CCNYL1: variants seen among roughly 807,000 people sequenced by gnomAD.
The protein encoded by CCNYL1 is cyclin-Y-like protein 1.
A neutral mutation model predicts 44.2 loss-of-function variants in CCNYL1; 16 were observed. The ratio of observed to expected loss-of-function variants is 0.36; its 90% CI spans 0.25 to 0.55. The LOEUF (loss-of-function observed/expected upper bound fraction) is 0.55, where lower values mean the gene tolerates loss of function less well. Among genes scored for constraint, CCNYL1 ranks in the 20% least tolerant of loss-of-function variants. CCNYL1 has a pLI of 0.85. For synonymous variants in CCNYL1, 159 were observed against 163.2 expected, an observed-to-expected ratio of 0.97 and a Z score of 0.20; for missense variants, 348 against 451.8, an observed-to-expected ratio of 0.77 and a Z score of 2.08.
intron 1 of CCNYL1, chr2:207,714,441 C>T (rs761612732): frequency 2.6e-6 from 1 of 380,242 alleles, no homozygotes; most frequent in Non-Finnish European, 5.0e-6. Flanking sequence ...GGACCACGGG[C>T]GTGTGCCATC....
In CCNYL1 at chr2:207,747,163, A is replaced by G; in HGVS notation, c.756A>G (p.Val252=). The change falls in exon 8 of 10, where the codon GTA becomes GTG. Residue 252 remains valine (V), a synonymous_variant. Coordinates refer to ENST00000295414, the MANE Select transcript of CCNYL1 (RefSeq NM_001330218.2). ...LASKVWDDQA[V]WNVDYCQILK... ...CCAAGGTTTGGGACGATCAGGCTGT[A>G]TGGAATGTGGACTACTGCCAGATCC... 1 of 1,614,124 alleles carries G rather than the reference A, an allele frequency of 6.2e-7. No individual in the cohort carries two copies. The highest frequency in any genetic ancestry group is 8.5e-7 in the Non-Finnish European group (1 of 1,179,984).
chr2:207,739,275 C>T (rs1236278826), intron 5 of CCNYL1, among the ~76,000 whole-genome samples: 2 of 152,120 alleles, frequency 1.3e-5, no homozygotes, highest in African/African-American at 4.8e-5. Flanking sequence ...CTCTGTTGCC[C>T]AGGCTGGAGG....
At chr2:207,720,641 C>A (rs916756139) in intron 1 of CCNYL1, among the ~76,000 whole-genome samples, 2 of 152,122 alleles carry the variant, frequency 1.3e-5, no homozygotes, top group Non-Finnish European at 2.9e-5. Flanking sequence ...TGGTCTTGAA[C>A]TGTTCTCAAG....
intron 1 of CCNYL1, among the ~76,000 whole-genome samples, chr2:207,723,352 T>C (rs985441316): frequency 2.0e-5 from 3 of 152,220 alleles, no homozygotes; most frequent in Non-Finnish European, 4.4e-5. Flanking sequence ...ATTTGTGAAA[T>C]GCTGAGTTAG....
intron 1 of CCNYL1, among the ~76,000 whole-genome samples, chr2:207,718,400 C>G (rs1431610212): frequency 6.6e-6 from 1 of 151,618 alleles, no homozygotes; most frequent in African/African-American, 2.4e-5. Context: ...CCCAGCTACT[C>G]AAGAAGCTGA....
In CCNYL1 at chr2:207,723,811, G is replaced by T. The variant is rs1174264428; in HGVS notation, c.221-989G>T. Among the ~76,000 whole-genome samples the T allele has an allele frequency of 4.1e-5, 6 of 144,702 alleles. No individual in the cohort carries two copies. The Admixed American group carries it at 4.2e-4, about 10-fold the overall frequency. 94.9% of individuals were successfully genotyped at this position (144,702 alleles called of 152,430 possible). On this transcript the variant is annotated intron_variant, in intron 1 of 9. Transcript: ENST00000295414. ...AATTGCTTGAATCCTGGAGGCAGAG[G>T]TTGCAGTGAGCTGAGACCGTGCCAC...
chr2:207,738,345 C>T (rs1213685238), intron 5 of CCNYL1, among the ~76,000 whole-genome samples: 3 of 152,036 alleles, frequency 2.0e-5, no homozygotes, highest in Non-Finnish European at 2.9e-5. Flanking sequence ...CTCGGGCTCC[C>T]GAGTAGGTGG....
At chr2:207,727,962 C>G (rs911090718) in intron 3 of CCNYL1, among the ~76,000 whole-genome samples, 15 of 150,168 alleles carry the variant, frequency 1.0e-4, no homozygotes, top group Non-Finnish European at 2.1e-4. Flanking sequence ...TTCTCTCTCT[C>G]TCTTTTTTTT....
At chr2:207,749,979 A>G (rs903531547) in intron 8 of CCNYL1, among the ~76,000 whole-genome samples, 2 of 152,046 alleles carry the variant, frequency 1.3e-5, no homozygotes, top group East Asian at 3.9e-4. Flanking sequence ...AGTGGTTAAG[A>G]TTTTCTCTAG....
At chr2:207,712,211 T>C (rs2091554556) in intron 1 of CCNYL1, 95 bp downstream of exon 1, 11 of 1,042,416 alleles carry the variant, frequency 1.1e-5, no homozygotes, top group African/African-American at 3.4e-5. Context: ...CTCGGGCTCC[T>C]TCCTGCCGGT....
chr2:207,751,217 C>A, intron 9 of CCNYL1, 98 bp downstream of exon 9: 1 of 1,107,918 alleles, frequency 9.0e-7, no homozygotes, highest in Non-Finnish European at 1.3e-6. Context: ...AAATGGAAAG[C>A]TTTAAAATTA....
intron 7 of CCNYL1, among the ~76,000 whole-genome samples, chr2:207,745,286 T>G (rs1057372983): frequency 6.6e-6 from 1 of 152,174 alleles, no homozygotes; most frequent in Non-Finnish European, 1.5e-5. Flanking sequence ...GACAGTGTTC[T>G]GCACAAGTGG....
intron 3 of CCNYL1, among the ~76,000 whole-genome samples, chr2:207,732,394 A>G (rs1414473321): frequency 6.6e-6 from 1 of 152,170 alleles, no homozygotes; most frequent in African/African-American, 2.4e-5. Flanking sequence ...AAACATCTGA[A>G]ACAAAATGCT....
At chr2:207,740,452 C>G (rs1013779288) in intron 5 of CCNYL1, among the ~76,000 whole-genome samples, 1 of 152,160 alleles carries the variant, frequency 6.6e-6, no homozygotes, top group Non-Finnish European at 1.5e-5. Context: ...CCTCACAGTA[C>G]AGAACCTCAT....
At chr2:207,749,162 A>C (rs2091875219) in intron 8 of CCNYL1, among the ~76,000 whole-genome samples, 1 of 152,180 alleles carries the variant, frequency 6.6e-6, no homozygotes. Flanking sequence ...GACCAGTTCT[A>C]AATAGTGCTG....
chr2:207,744,773 C>T (rs1441443748), intron 7 of CCNYL1, among the ~76,000 whole-genome samples: 1 of 151,946 alleles, frequency 6.6e-6, no homozygotes, highest in African/African-American at 2.4e-5. Flanking sequence ...AGAGAGTAGG[C>T]CATAATTGGC....
chr2:207,752,584 T>C (rs2091901714), intron 9 of CCNYL1, among the ~76,000 whole-genome samples: 1 of 151,366 alleles, frequency 6.6e-6, no homozygotes, highest in South Asian at 2.1e-4. Flanking sequence ...TTAATAGAAA[T>C]GGTAACTTTA....
At chr2:207,728,999 A>G (rs1318087172) in intron 3 of CCNYL1, among the ~76,000 whole-genome samples, 1 of 151,956 alleles carries the variant, frequency 6.6e-6, no homozygotes, top group Non-Finnish European at 1.5e-5. Context: ...GGATTTTACC[A>G]TGTTGGCCAG....
intron 1 of CCNYL1, among the ~76,000 whole-genome samples, chr2:207,722,027 C>CT (rs1472597081): frequency 2.0e-5 from 3 of 149,734 alleles, no homozygotes; most frequent in Admixed American, 1.3e-4. Flanking sequence ...GCTTATTTGG[C>CT]TTTTTTCTCT....
Sources: allele counts gnomAD v4.1 joint callset (sites outside exome capture counted in the v4.1 genomes callset), GRCh38; gene constraint gnomAD v4.1.1; transcripts MANE v1.5; gene names NCBI Gene and HGNC (gene_info 2026-07-23, HGNC 2026-07-21).